AIG1: variants seen among roughly 807,000 people sequenced by gnomAD.
The protein encoded by AIG1 is androgen-induced gene 1 protein.
AIG1 carries 23 observed loss-of-function variants against 31.4 expected under a neutral mutation model. The observed-to-expected ratio is 0.73, with a 90% CI of 0.53 to 1.04. The LOEUF is 1.04. Among genes scored for constraint, AIG1 ranks in the 50% least tolerant of loss-of-function variants. The pLI is 0.00. For synonymous variants in AIG1, 100 were observed against 110.5 expected, an observed-to-expected ratio of 0.90 and a Z score of 0.60; for missense variants, 274 against 295.0, an observed-to-expected ratio of 0.93 and a Z score of 0.52.
chr6:143,103,993 G>T (rs1006482385), intron 1 of AIG1, among the ~76,000 whole-genome samples: 1 of 152,210 alleles, frequency 6.6e-6, no homozygotes, highest in African/African-American at 2.4e-5. Flanking sequence ...TCTGATTGCT[G>T]TTGCTGCTGG....
At chr6:143,187,668 C>T (rs778000532) in intron 3 of AIG1, 15 of 1,535,968 alleles carry the variant, frequency 9.8e-6, no homozygotes, top group South Asian at 3.6e-5. Context: ...GCTTTTCAAA[C>T]GCCCATCTGA....
At chr6:143,089,066 C>T (rs1190330142) in intron 1 of AIG1, among the ~76,000 whole-genome samples, 1 of 151,852 alleles carries the variant, frequency 6.6e-6, no homozygotes, top group Non-Finnish European at 1.5e-5. Context: ...CAAAATTAGC[C>T]ACAGGTGGTG....
At chr6:143,248,619 G>A (rs1467495882) in intron 3 of AIG1, among the ~76,000 whole-genome samples, 1 of 152,190 alleles carries the variant, frequency 6.6e-6, no homozygotes, top group African/African-American at 2.4e-5. Context: ...CCACAGATCA[G>A]CTTTGCTGAT....
At chr6:143,289,834 T>C (rs1797934749) in intron 4 of AIG1, among the ~76,000 whole-genome samples, 1 of 152,192 alleles carries the variant, frequency 6.6e-6, no homozygotes, top group Non-Finnish European at 1.5e-5. Context: ...GTAAAATTTT[T>C]AGGAAAAAAT....
At chr6:143,082,758 G>C (rs1248283231) in intron 1 of AIG1, among the ~76,000 whole-genome samples, 1 of 152,176 alleles carries the variant, frequency 6.6e-6, no homozygotes, top group Non-Finnish European at 1.5e-5. Context: ...GCCACGGGTT[G>C]CAAGCTGGTC....
chr6:143,061,643 C>T (rs1012451278), intron 1 of AIG1: 1 of 266,402 alleles, frequency 3.8e-6, no homozygotes, highest in East Asian at 9.0e-5. Context: ...ACCTTTACCC[C>T]GTACATATTA....
intron 3 of AIG1, among the ~76,000 whole-genome samples, chr6:143,174,358 G>A (rs1021052463): frequency 1.8e-4 from 28 of 151,870 alleles, no homozygotes; most frequent in African/African-American, 6.8e-4. Context: ...GTGGTGGCAG[G>A]CACCTGTAAT....
At chr6:143,301,754 G>A (rs986925889) in intron 4 of AIG1, among the ~76,000 whole-genome samples, 1 of 152,144 alleles carries the variant, frequency 6.6e-6, no homozygotes, top group African/African-American at 2.4e-5. Context: ...GACAAGTGGG[G>A]ATTATTATAA....
chr6:143,234,741 A>G (rs951245902), intron 3 of AIG1, among the ~76,000 whole-genome samples: 8 of 152,320 alleles, frequency 5.3e-5, no homozygotes, highest in Non-Finnish European at 8.8e-5. Context: ...TCTGTCAGAA[A>G]AGAATGGATC....
rs1035759623 is a variant in AIG1 at position 143,328,717 on chromosome 6, G to A, written c.516-4565G>A. 2.0e-5 allele frequency among the ~76,000 whole-genome samples: 3 copies of A among 152,094 alleles called. No individual in the cohort carries two copies. Among genetic ancestry groups the A allele is most frequent in the African/African-American group, 7.2e-5 (3 of 41,414 alleles). On this transcript the variant is annotated intron_variant, in intron 4 of 5. Coordinates refer to ENST00000357847, the MANE Select transcript of AIG1 (RefSeq NM_016108.4). This position sits in a 1 kb window ranked among gnomAD's most constrained non-coding sequence, Gnocchi z 4.0. ...TGTGAGTAACAAAGCACTCAGATAGGAGGCATGAATAAATGTTATTTTTTT... is the reference window on the plus strand; with the variant it reads ...TGTGAGTAACAAAGCACTCAGATAGAAGGCATGAATAAATGTTATTTTTTT...
chr6:143,217,367 T>C (rs1010079972), intron 3 of AIG1, among the ~76,000 whole-genome samples: 13 of 152,228 alleles, frequency 8.5e-5, no homozygotes, highest in African/African-American at 3.1e-4. Context: ...TATAAATTAT[T>C]GAGGGATGGA....
In AIG1 at chr6:143,315,003, T is replaced by C. The variant is rs181031923; in HGVS notation, c.516-18279T>C. Among the ~76,000 whole-genome samples the C allele has an allele frequency of 3.5e-3, 540 of 152,268 alleles. 1 individual carries two copies. The highest frequency in any genetic ancestry group is 6.0e-3 in the Non-Finnish European group (406 of 68,010). On this transcript the variant is annotated intron_variant, in intron 4 of 5. Transcript: ENST00000357847. ...GCCAACAACTGTTGGAGAATGATGT[T>C]AATATCACATGTAGGAATGCTACAT...
At chr6:143,175,194 CT>C (rs1487819787) in intron 3 of AIG1, among the ~76,000 whole-genome samples, 3 of 152,284 alleles carry the variant, frequency 2.0e-5, no homozygotes, top group South Asian at 2.1e-4. Context: ...ATAAGTTTTC[CT>C]TTGTAGGTTA....
rs1347117882 is a variant in AIG1 at position 143,340,992 on chromosome 6, T to G, written c.*1316T>G. Among the ~76,000 whole-genome samples the G allele has an allele frequency of 6.6e-6, 1 of 152,226 alleles. No homozygotes were observed. Among genetic ancestry groups the G allele is most frequent in the Non-Finnish European group, 1.5e-5 (1 of 68,034 alleles). On this transcript the variant is annotated 3_prime_UTR_variant, in exon 6 of 6. Transcript: ENST00000357847. The stretch of plus-strand genomic sequence containing the variant: ...TAAACTTTTTAATTTGAAAAAAATT[T>G]AAACTCAAAAAGTTAATTTAAAATT...
chr6:143,129,167 T>C lies in AIG1; in HGVS notation c.142-7668T>C, dbSNP rs145544417. 8.3e-3 allele frequency among the ~76,000 whole-genome samples: 1,262 copies of C among 152,160 alleles called. 19 individuals carry two copies. The highest frequency in any genetic ancestry group is 0.027 in the African/African-American group (1,101 of 41,528). ...TTAGGCGGGTGTGGGGGCAGGCACC[T>C]GTAGTCCCAGCTATTTGGGAGGCCG... On this transcript the variant is annotated intron_variant, in intron 1 of 5. Transcript: ENST00000357847.
At chr6:143,235,255 T>C (rs920946538) in intron 3 of AIG1, among the ~76,000 whole-genome samples, 3 of 152,208 alleles carry the variant, frequency 2.0e-5, no homozygotes, top group Admixed American at 1.3e-4. Context: ...TTGAGGACTT[T>C]ATTCCATGCA....
intron 3 of AIG1, among the ~76,000 whole-genome samples, chr6:143,211,159 A>G (rs968439638): frequency 3.3e-5 from 5 of 152,166 alleles, no homozygotes; most frequent in African/African-American, 9.7e-5. Context: ...TGACTTACCT[A>G]AGGTGACAGA....
chr6:143,337,560 GTA>G (rs1432347677), intron 5 of AIG1, among the ~76,000 whole-genome samples: 1 of 152,156 alleles, frequency 6.6e-6, no homozygotes, highest in Non-Finnish European at 1.5e-5. Context: ...CCCAATTTTG[GTA>G]TATCTGACCA....
chr6:143,310,415 G>A (rs11756753), intron 4 of AIG1, among the ~76,000 whole-genome samples: 20,197 of 151,676 alleles, frequency 0.13, 1,577 homozygotes, highest in East Asian at 0.36. Context: ...ATAAGAAGTG[G>A]CAAGAGAAAT....
Sources: gnomAD v4.1 joint callset for allele counts (sites outside exome capture counted in the v4.1 genomes callset) on GRCh38, gnomAD v4.1.1 for gene constraint, Gnocchi (gnomAD v3.1) non-coding constraint, MANE v1.5 for transcripts, NCBI Gene and HGNC (gene_info 2026-07-23, HGNC 2026-07-21) for gene names.